The following IL6R variants were observed in gnomAD, a reference collection of about 807,000 sequenced individuals.
IL6R encodes interleukin 6 receptor.
Under a neutral mutation model 48.3 loss-of-function variants are expected in IL6R, and 38 were observed. The ratio of observed to expected loss-of-function variants is 0.79; its 90% CI spans 0.61 to 1.03. The LOEUF is 1.03. Among genes scored for constraint, IL6R ranks in the 50% least tolerant of loss-of-function variants. IL6R has a pLI of 0.00. For missense variants in IL6R, 534 were observed against 618.3 expected, an observed-to-expected ratio of 0.86 and a Z score of 1.45; for synonymous variants, 264 against 256.2, an observed-to-expected ratio of 1.03 and a Z score of -0.29.
intron 6 of IL6R, among the ~76,000 whole-genome samples, chr1:154,438,347 A>G (rs2149248923): frequency 6.6e-6 from 1 of 152,092 alleles, no homozygotes; most frequent in African/African-American, 2.4e-5. Flanking sequence ...CCTCTGCTTA[A>G]ATGCTTCCAG....
chr1:154,444,861 C>G (rs1227608361), intron 6 of IL6R, among the ~76,000 whole-genome samples: 1 of 152,180 alleles, frequency 6.6e-6, no homozygotes, highest in Non-Finnish European at 1.5e-5. Context: ...TATGATTGCA[C>G]TACTGCACTC....
At position 154,419,728 on chromosome 1, in the gene IL6R, G is replaced by A. The variant is rs1688541926; in HGVS notation, c.86-9468G>A. Among the ~76,000 whole-genome samples, 5 of 152,350 alleles carry A rather than the reference G, an allele frequency of 3.3e-5. 1 individual carries two copies. The Middle Eastern group carries it at 0.014, about 415-fold the overall frequency. ...TAAACGGGGCCAGGAAGCTGAACTT[G>A]TTTTTGCTGGCAAGAGCTGCGGCAA... On this transcript the variant is annotated intron_variant, in intron 1 of 9. Coordinates refer to ENST00000368485, the MANE Select transcript of IL6R (RefSeq NM_000565.4).
intron 6 of IL6R, among the ~76,000 whole-genome samples, chr1:154,445,526 G>A (rs972975469): frequency 4.6e-5 from 7 of 152,068 alleles, no homozygotes; most frequent in South Asian, 2.1e-4. Context: ...TGAGGCGGGC[G>A]GATCACCAGG....
chr1:154,462,090 T>G (rs112149485), intron 9 of IL6R, among the ~76,000 whole-genome samples: 5 of 152,330 alleles, frequency 3.3e-5, no homozygotes, highest in Admixed American at 1.3e-4. Context: ...TGGGCCAAAG[T>G]GCAGCCTGAT....
chr1:154,426,588 T>C (rs1411101802), intron 1 of IL6R, among the ~76,000 whole-genome samples: 1 of 151,790 alleles, frequency 6.6e-6, no homozygotes, highest in Non-Finnish European at 1.5e-5. Flanking sequence ...AAACCATTTA[T>C]ATGAAGCTCA....
chr1:154,423,942 T>C (rs1194853233), intron 1 of IL6R, among the ~76,000 whole-genome samples: 5 of 152,240 alleles, frequency 3.3e-5, no homozygotes, highest in African/African-American at 4.8e-5. Context: ...CCCCTGCTAT[T>C]GTTCAGGCTG....
At chr1:154,423,989 G>A (rs1321101024) in intron 1 of IL6R, among the ~76,000 whole-genome samples, 1 of 152,228 alleles carries the variant, frequency 6.6e-6, no homozygotes, top group Non-Finnish European at 1.5e-5. Context: ...GCTGAACTGG[G>A]GTAGGGGAAA....
rs1269629623 is a variant in IL6R, at chr1:154,435,163, T to C, written c.807+7T>C. 1 of 1,613,194 alleles carries C rather than the reference T, an allele frequency of 6.2e-7. No individual in the cohort carries two copies. The highest frequency in any genetic ancestry group is 1.3e-5 in the African/African-American group (1 of 74,856). On this transcript the variant is annotated splice_region_variant and intron_variant, in intron 5 of 9. Coordinates refer to ENST00000368485, the MANE Select transcript of IL6R (RefSeq NM_000565.4). Reference sequence around the variant, plus strand: ...GACATTCACAACATGGATGGTAAATTTATGTTTTACTTCTGGTCAGAGAGG... The same window carrying C: ...GACATTCACAACATGGATGGTAAATCTATGTTTTACTTCTGGTCAGAGAGG...
Position 154,446,145 on chromosome 1 carries a change from G to A in IL6R, c.950-1980G>A, listed in dbSNP as rs565648182. 1.4e-4 allele frequency among the ~76,000 whole-genome samples: 22 copies of A among 152,276 alleles called. No homozygotes were observed. In the South Asian group the frequency reaches 4.3e-3, roughly 30 times the overall value. On this transcript the variant is annotated intron_variant, in intron 6 of 9. Coordinates refer to ENST00000368485, the MANE Select transcript of IL6R (RefSeq NM_000565.4). ...ATCCTTTAGATACCCTGGGCTATAA[G>A]TGTGTAACTGTCCTCTGCTGGGCTG...
chr1:154,434,913 G>A, intron 4 of IL6R, 77 bp from the exon 5 acceptor site: 1 of 1,500,422 alleles, frequency 6.7e-7, no homozygotes, highest in Non-Finnish European at 9.1e-7. Flanking sequence ...GGCCCTGCTT[G>A]CTGGGATCTC....
Position 154,430,489 on chromosome 1 carries a change from C to G in IL6R, c.341C>G (p.Pro114Arg). The stretch of plus-strand genomic sequence containing the variant: ...TGCAATGCTTTCCTTTCAGTTCCCC[C>G]CGAGGAGCCCCAGCTCTCCTGCTTC... ...GTVHLLVDVP[P>R]EEPQLSCFRK... The change falls in exon 3 of 10, where the codon CCC (proline) becomes CGC (arginine). Residue 114 changes from proline (P) to arginine (R), a missense_variant. Pro to Arg is a moderately radical substitution (Grantham distance 103). Coordinates refer to ENST00000368485, the MANE Select transcript of IL6R (RefSeq NM_000565.4). 1 of 1,613,602 alleles carries G rather than the reference C, an allele frequency of 6.2e-7. No individual in the cohort carries two copies. Among genetic ancestry groups the G allele is most frequent in the Non-Finnish European group, 8.5e-7 (1 of 1,179,898 alleles).
rs1215240011 is a variant in IL6R at position 154,429,185 on chromosome 1, C to A, written c.86-11C>A. On this transcript the variant is annotated splice_polypyrimidine_tract_variant and intron_variant, in intron 1 of 9. Transcript: ENST00000368485. ...GCTGTGGGCTCACCAAGTGTCTTCTCCCTCCTCCAGAGGTGGCGAGAGGCG... is the reference window on the plus strand; with the variant it reads ...GCTGTGGGCTCACCAAGTGTCTTCTACCTCCTCCAGAGGTGGCGAGAGGCG... 6.2e-7 allele frequency: 1 copy of A among 1,603,798 alleles called. No individual in the cohort carries two copies. The highest frequency in any genetic ancestry group is 8.5e-7 in the Non-Finnish European group (1 of 1,171,704).
At chr1:154,441,561 C>T (rs4393147) in intron 6 of IL6R, among the ~76,000 whole-genome samples, 49,590 of 151,926 alleles carry the variant, frequency 0.33, 9,381 homozygotes, top group Admixed American at 0.5. Flanking sequence ...ATGATTTTGA[C>T]GCAAGAGGGG....
intron 1 of IL6R, among the ~76,000 whole-genome samples, chr1:154,412,242 C>T (rs539139841): frequency 1.3e-5 from 2 of 151,054 alleles, no homozygotes; most frequent in African/African-American, 2.4e-5. Flanking sequence ...CCACCGTGCC[C>T]GGTGAGCCTT....
chr1:154,428,252 G>T (rs915658700), intron 1 of IL6R, among the ~76,000 whole-genome samples: 2 of 151,860 alleles, frequency 1.3e-5, no homozygotes, highest in East Asian at 3.9e-4. Flanking sequence ...TTTTTCAAGG[G>T]GTAGAGAATG....
At chr1:154,411,800 C>T (rs953530054) in intron 1 of IL6R, among the ~76,000 whole-genome samples, 1 of 152,004 alleles carries the variant, frequency 6.6e-6, no homozygotes. Flanking sequence ...CCCAGGAGTT[C>T]GAGGCTGCAG....
In IL6R at chr1:154,405,476, T is replaced by C. The variant is rs953359172; in HGVS notation, c.-154T>C. ...GGGGCCGAGGGACTCGCAGTGTGTG[T>C]AGAGAGCCGGGCTCCTGCGGATGGG... On this transcript the variant is annotated 5_prime_UTR_variant, in exon 1 of 10. The change abolishes the stop of an existing upstream ORF in the 5' untranslated region. Transcript: ENST00000368485. The surrounding 1 kb of genome is among the most constrained non-coding windows in gnomAD (Gnocchi z 5.2). The C allele has an allele frequency of 1.4e-5, 9 of 652,864 alleles. No individual in the cohort carries two copies. The highest frequency in any genetic ancestry group is 2.0e-5 in the Non-Finnish European group (8 of 405,890). The allele number at this position is 652,864 out of a possible 1,614,324, so 40.4% of individuals were successfully genotyped here.
intron 1 of IL6R, among the ~76,000 whole-genome samples, chr1:154,406,995 G>A (rs969886003): frequency 6.6e-6 from 1 of 152,126 alleles, no homozygotes; most frequent in Non-Finnish European, 1.5e-5. Flanking sequence ...GTCAGGCCCC[G>A]GTGATGGAGG....
intron 1 of IL6R, among the ~76,000 whole-genome samples, chr1:154,425,610 C>CA (rs113911078): frequency 0.017 from 2,334 of 138,386 alleles, 68 homozygotes; most frequent in African/African-American, 0.058. Flanking sequence ...CCTCATCTCT[C>CA]AAAAAAAAAA....
Sources: gnomAD v4.1 joint callset for allele counts (sites outside exome capture counted in the v4.1 genomes callset) on GRCh38, gnomAD v4.1.1 for gene constraint, Gnocchi (gnomAD v3.1) non-coding constraint, MANE v1.5 for transcripts, NCBI Gene and HGNC (gene_info 2026-07-23, HGNC 2026-07-21) for gene names.